The following ANKFN1 variants were observed in gnomAD, a reference collection of about 807,000 sequenced individuals.
ANKFN1 encodes the protein ankyrin repeat and fibronectin type-III domain-containing protein 1.
In ANKFN1, 74 loss-of-function variants were observed where a neutral mutation model predicts 108.7. The ratio of observed to expected loss-of-function variants is 0.68; its 90% CI spans 0.56 to 0.83. The LOEUF (loss-of-function observed/expected upper bound fraction) is 0.83. ANKFN1 is among the 40% of genes least tolerant of loss of function. The pLI, the probability that ANKFN1 is intolerant of heterozygous loss-of-function variation, is 0.00. For synonymous variants in ANKFN1, 547 were observed against 516.2 expected (o/e 1.06, Z -0.81); for missense variants, 1,505 against 1,382.3 (o/e 1.09, Z -1.41).
At chr17:56,168,073 C>A (rs1247377479) in intron 1 of ANKFN1, among the ~76,000 whole-genome samples, 1 of 152,064 alleles carries the variant, frequency 6.6e-6, no homozygotes, top group African/African-American at 2.4e-5. Context: ...TTGAGACCGG[C>A]CTGACCAGCA....
intron 6 of ANKFN1, 131 bp downstream of exon 6, chr17:56,354,177 T>C (rs1323855178): frequency 1.3e-6 from 1 of 783,422 alleles, no homozygotes; most frequent in Non-Finnish European, 2.0e-6. Context: ...CTTTGGATGT[T>C]TTCATGGGCT....
At chr17:56,232,092 C>A (rs1304371746) in intron 3 of ANKFN1, among the ~76,000 whole-genome samples, 2 of 152,150 alleles carry the variant, frequency 1.3e-5, no homozygotes, top group African/African-American at 4.8e-5. Context: ...TCCTTCCCCA[C>A]ATGACAACCC....
intron 1 of ANKFN1, among the ~76,000 whole-genome samples, chr17:56,210,555 T>C (rs949546431): frequency 2.6e-5 from 4 of 152,256 alleles, no homozygotes; most frequent in Non-Finnish European, 5.9e-5. Context: ...CAAATGTCGA[T>C]TTATGTCCTT....
intron 4 of ANKFN1, among the ~76,000 whole-genome samples, chr17:56,052,930 C>A (rs1904803115): frequency 1.3e-5 from 2 of 152,028 alleles, no homozygotes; most frequent in African/African-American, 4.8e-5. Flanking sequence ...CAGTCTAGCT[C>A]CAGAGTCTGC....
chr17:56,247,990 A>T (rs2043155404), intron 3 of ANKFN1, among the ~76,000 whole-genome samples: 1 of 152,194 alleles, frequency 6.6e-6, no homozygotes, highest in Admixed American at 6.6e-5. Context: ...TCTAAACAAC[A>T]TTTGAATGCA....
In ANKFN1 at chr17:56,425,535, G is replaced by T. The variant is rs995461719; in HGVS notation, c.911-14792G>T. 2.6e-5 allele frequency among the ~76,000 whole-genome samples: 4 copies of T among 152,184 alleles called. No individual in the cohort carries two copies. The East Asian group carries it at 7.7e-4, about 29-fold the overall frequency. ...ACTTCTTAGCATAACCTGAGCTCCT[G>T]TCTCCTGTCCCATCTTATTTCTAAA... On this transcript the variant is annotated intron_variant, in intron 8 of 20. Coordinates refer to ENST00000682825, the MANE Select transcript of ANKFN1 (RefSeq NM_001370326.1).
intron 4 of ANKFN1, among the ~76,000 whole-genome samples, chr17:56,051,566 C>G (rs1904775617): frequency 7.0e-6 from 1 of 143,594 alleles, no homozygotes; most frequent in Non-Finnish European, 1.5e-5. Flanking sequence ...AAATTCTGGC[C>G]AGGGCAATTA....
At chr17:56,242,657 C>G in intron 3 of ANKFN1, among the ~76,000 whole-genome samples, 1 of 151,962 alleles carries the variant, frequency 6.6e-6, no homozygotes, top group East Asian at 1.9e-4. Flanking sequence ...CTTTGAGCCT[C>G]TGATTTTGTT....
intron 4 of ANKFN1, among the ~76,000 whole-genome samples, chr17:56,342,406 A>G (rs2045983073): frequency 6.6e-6 from 1 of 151,498 alleles, no homozygotes; most frequent in South Asian, 2.1e-4. Context: ...TGTTAACTTG[A>G]GATCTAACTT....
At chr17:56,284,786 A>G (rs1274403411) in intron 3 of ANKFN1, among the ~76,000 whole-genome samples, 1 of 152,228 alleles carries the variant, frequency 6.6e-6, no homozygotes, top group African/African-American at 2.4e-5. Flanking sequence ...GTCGACGTGT[A>G]GAAGTGCAAG....
chr17:56,511,194 C>T lies in ANKFN1; in HGVS notation c.3366C>T (p.Ser1122=). ...PPSGGRITLP[S]PTGPDVSQEG... The stretch of plus-strand genomic sequence containing the variant: ...CTGGAGGCCGCATCACCCTGCCCAG[C>T]CCCACTGGCCCCGATGTGAGTCAGG... Residue 1122 remains serine, a synonymous_variant, in exon 21 of 21, where the codon AGC becomes AGT. Transcript: ENST00000682825. 3 of 1,535,824 alleles carry T rather than the reference C, an allele frequency of 2.0e-6. No homozygotes were observed. The highest frequency in any genetic ancestry group is 2.4e-5 in the East Asian group (1 of 40,900).
At chr17:56,449,782 C>T (rs2049421634) in intron 11 of ANKFN1, among the ~76,000 whole-genome samples, 1 of 152,138 alleles carries the variant, frequency 6.6e-6, no homozygotes, top group Non-Finnish European at 1.5e-5. Flanking sequence ...CCTCCTGACA[C>T]GCTTCATTTT....
intron 4 of ANKFN1, among the ~76,000 whole-genome samples, chr17:56,094,674 G>GA (rs1567785631): frequency 1.5e-5 from 1 of 65,158 alleles, no homozygotes; most frequent in East Asian, 7.7e-4. Context: ...CAGCTAATTG[G>GA]GTTTTTTTTT....
chr17:56,047,919 T>C (rs567256268), intron 4 of ANKFN1, among the ~76,000 whole-genome samples: 1 of 152,186 alleles, frequency 6.6e-6, no homozygotes, highest in African/African-American at 2.4e-5. Flanking sequence ...GACTCTTTAT[T>C]TTTTCCCGTT....
chr17:56,317,032 A>T (rs539356563), intron 3 of ANKFN1, among the ~76,000 whole-genome samples: 1 of 152,336 alleles, frequency 6.6e-6, no homozygotes, highest in South Asian at 2.1e-4. Context: ...GAGAGATCAC[A>T]TATATTGACT....
intron 3 of ANKFN1, among the ~76,000 whole-genome samples, chr17:56,262,093 T>C (rs2043526139): frequency 6.6e-6 from 1 of 152,176 alleles, no homozygotes; most frequent in African/African-American, 2.4e-5. Flanking sequence ...CCAAGAATTC[T>C]GATATAATTT....
chr17:56,363,961 A>G (rs2046592725), intron 6 of ANKFN1, among the ~76,000 whole-genome samples: 1 of 152,174 alleles, frequency 6.6e-6, no homozygotes, highest in South Asian at 2.1e-4. Flanking sequence ...TGACAGTCAA[A>G]GTGTACAAAA....
chr17:56,402,082 G>C (rs2047781310), intron 8 of ANKFN1, among the ~76,000 whole-genome samples: 1 of 152,116 alleles, frequency 6.6e-6, no homozygotes, highest in Non-Finnish European at 1.5e-5. Context: ...ATATGTCATT[G>C]GATTCAGTTA....
chr17:56,310,704 A>G (rs2044995010), intron 3 of ANKFN1, among the ~76,000 whole-genome samples: 1 of 152,120 alleles, frequency 6.6e-6, no homozygotes, highest in Non-Finnish European at 1.5e-5. Flanking sequence ...TGAAATGATT[A>G]TCACTAGCAA....
Sources: gnomAD v4.1 joint callset for allele counts (sites outside exome capture counted in the v4.1 genomes callset) on GRCh38, gnomAD v4.1.1 for gene constraint, MANE v1.5 for transcripts, NCBI Gene and HGNC (gene_info 2026-07-23, HGNC 2026-07-21) for gene names.